RGS13: variants seen among roughly 807,000 people sequenced by gnomAD.
RGS13 encodes the protein regulator of G-protein signalling 13.
In RGS13, 14 loss-of-function variants were observed where a neutral mutation model predicts 19.9. That is an observed-to-expected ratio of 0.70 (90% CI 0.46 to 1.10). The LOEUF (loss-of-function observed/expected upper bound fraction) is 1.10, where lower values mean the gene tolerates loss of function less well. Among genes scored for constraint, RGS13 ranks in the 50% least tolerant of loss-of-function variants. The pLI is 0.00. For synonymous variants in RGS13, 60 were observed against 56.8 expected, an observed-to-expected ratio of 1.06 and a Z score of -0.25; for missense variants, 205 against 187.1, an observed-to-expected ratio of 1.10 and a Z score of -0.56.
chr1:192,655,789 T>G (rs1207345365), intron 5 of RGS13, among the ~76,000 whole-genome samples: 1 of 152,012 alleles, frequency 6.6e-6, no homozygotes, highest in South Asian at 2.1e-4. Flanking sequence ...GCAGTATATA[T>G]AGAATAATAC....
chr1:192,637,337 T>C (rs1232803959), intron 1 of RGS13, among the ~76,000 whole-genome samples: 1 of 151,818 alleles, frequency 6.6e-6, no homozygotes, highest in Non-Finnish European at 1.5e-5. Context: ...ATTATTTAAA[T>C]AAAAAGTAAT....
intron 6 of RGS13, 129 bp downstream of exon 6, chr1:192,658,496 G>A: frequency 1.2e-6 from 1 of 805,006 alleles, no homozygotes; most frequent in Non-Finnish European, 1.9e-6. Flanking sequence ...ATTCAGTATT[G>A]CTAACCTTAT....
chr1:192,636,928 T>C (rs1364241368), intron 1 of RGS13, among the ~76,000 whole-genome samples: 1 of 151,936 alleles, frequency 6.6e-6, no homozygotes, highest in Non-Finnish European at 1.5e-5. Flanking sequence ...TTACTAAATT[T>C]TATGTAACAT....
At chr1:192,656,506 G>C (rs1281736407) in intron 5 of RGS13, among the ~76,000 whole-genome samples, 1 of 152,050 alleles carries the variant, frequency 6.6e-6, no homozygotes, top group Non-Finnish European at 1.5e-5. Flanking sequence ...TCACGTCGGT[G>C]TGAAAATCAA....
intron 2 of RGS13, among the ~76,000 whole-genome samples, 169 bp downstream of exon 2, chr1:192,637,829 C>T (rs1428151143): frequency 7.2e-5 from 11 of 151,992 alleles, no homozygotes; most frequent in Non-Finnish European, 1.2e-4. Context: ...AAGGGTACAA[C>T]TAAAGATGCC....
chr1:192,654,158 T>C (rs1663396099), intron 5 of RGS13, among the ~76,000 whole-genome samples: 1 of 151,730 alleles, frequency 6.6e-6, no homozygotes, highest in African/African-American at 2.4e-5. Context: ...TTCTCAATAA[T>C]TTTTATTAAA....
intron 5 of RGS13, 78 bp from the exon 6 acceptor site, chr1:192,658,122 CT>C (rs945908001): frequency 5.9e-5 from 59 of 1,008,198 alleles, no homozygotes; most frequent in Non-Finnish European, 6.7e-5. Context: ...TTTAATCAGG[CT>C]TTTTTTTAAC....
chr1:192,659,360 G>C lies in RGS13; in HGVS notation c.317G>C (p.Arg106Thr). The change falls in exon 7 of 7, where the codon AGA (arginine) becomes ACA (threonine). Residue 106 changes from arginine (R) to threonine (T), a missense_variant. Arg to Thr is a moderately conservative substitution (Grantham distance 71, BLOSUM62 -1). Coordinates refer to ENST00000391995, the MANE Select transcript of RGS13 (RefSeq NM_002927.5). ...PREINIDSSTRETIIRNIQEP... is the reference protein window; with the variant it reads ...PREINIDSSTTETIIRNIQEP... Reference sequence around the variant, plus strand: ...CAGATTAACATTGACAGTTCGACAAGAGAGACTATCATCAGGAACATTCAG... The same window carrying C: ...CAGATTAACATTGACAGTTCGACAACAGAGACTATCATCAGGAACATTCAG... The C allele has an allele frequency of 1.2e-6, 2 of 1,612,154 alleles. No homozygotes were observed.
intron 5 of RGS13, among the ~76,000 whole-genome samples, chr1:192,649,504 T>A (rs1663298571): frequency 6.6e-6 from 1 of 152,134 alleles, no homozygotes; most frequent in African/African-American, 2.4e-5. Flanking sequence ...AAGCACACAA[T>A]AATTGGTAGT....
intron 5 of RGS13, among the ~76,000 whole-genome samples, chr1:192,654,719 C>T (rs1663404794): frequency 6.6e-6 from 1 of 152,038 alleles, no homozygotes; most frequent in African/African-American, 2.4e-5. Context: ...ACTGTTCTGA[C>T]TCAGCCATGA....
At chr1:192,658,413 A>G in intron 6 of RGS13, 46 bp downstream of exon 6, 1 of 1,548,318 alleles carries the variant, frequency 6.5e-7, no homozygotes, top group Non-Finnish European at 8.8e-7. Flanking sequence ...TCATCCCTGC[A>G]AGGGCATTAA....
intron 6 of RGS13, chr1:192,658,615 C>T (rs1663491118): frequency 2.8e-6 from 1 of 352,446 alleles, no homozygotes; most frequent in African/African-American, 2.1e-5. Context: ...AAGCTTCTCC[C>T]CATTAAATTA....
At chr1:192,648,054 G>T in intron 5 of RGS13, 67 bp downstream of exon 5, 1 of 1,117,558 alleles carries the variant, frequency 8.9e-7, no homozygotes, top group Non-Finnish European at 1.3e-6. Flanking sequence ...AAAGGTGGGG[G>T]TGCCAGATGA....
At chr1:192,649,203 A>G (rs141207869) in intron 5 of RGS13, among the ~76,000 whole-genome samples, 49 of 152,280 alleles carry the variant, frequency 3.2e-4, no homozygotes, top group African/African-American at 1.1e-3. Flanking sequence ...TATTCCTCAT[A>G]GTTTATAATC....
chr1:192,642,380 G>A (rs954739298), intron 3 of RGS13, among the ~76,000 whole-genome samples: 1 of 148,514 alleles, frequency 6.7e-6, no homozygotes, highest in Non-Finnish European at 1.5e-5. Flanking sequence ...GGAGTGCAAT[G>A]GTGTGATCAC....
At chr1:192,641,306 G>GAAAGAAAGAAAGAAAGAAAGAA (rs201039158) in intron 3 of RGS13, among the ~76,000 whole-genome samples, 4 of 105,590 alleles carry the variant, frequency 3.8e-5, no homozygotes, top group South Asian at 3.3e-4. Flanking sequence ...AAGAAAGAAA[G>GAAAGAAAGAAAGAAAGAAAGAA]AAAAGAAAGA....
intron 5 of RGS13, among the ~76,000 whole-genome samples, chr1:192,650,064 G>C (rs1423930102): frequency 1.3e-5 from 2 of 152,020 alleles, no homozygotes; most frequent in African/African-American, 4.8e-5. Flanking sequence ...AGTGAGAAAA[G>C]TTCAAAACAC....
intron 5 of RGS13, among the ~76,000 whole-genome samples, chr1:192,650,662 A>T (rs527596524): frequency 3.3e-4 from 50 of 152,160 alleles, no homozygotes; most frequent in African/African-American, 1.2e-3. Context: ...TAAATTCAAC[A>T]TCTCAGTGGG....
intron 5 of RGS13, among the ~76,000 whole-genome samples, chr1:192,655,277 G>C (rs189392156): frequency 6.6e-6 from 1 of 152,232 alleles, no homozygotes. Flanking sequence ...CTGCACGCTA[G>C]AATTATATCT....
Sources: allele counts gnomAD v4.1 joint callset (sites outside exome capture counted in the v4.1 genomes callset), GRCh38; gene constraint gnomAD v4.1.1; transcripts MANE v1.5; gene names NCBI Gene and HGNC (gene_info 2026-07-23, HGNC 2026-07-21).